HS6ST3: variants seen among roughly 807,000 people sequenced by gnomAD.
HS6ST3 encodes the protein heparan-sulfate 6-O-sulfotransferase 3.
Under a neutral mutation model 36.7 loss-of-function variants are expected in HS6ST3, and 12 were observed. The ratio of observed to expected loss-of-function variants is 0.33; its 90% CI spans 0.21 to 0.53. The LOEUF (loss-of-function observed/expected upper bound fraction) is 0.53. Ranked by LOEUF, HS6ST3 falls within the 20% of genes least tolerant of loss-of-function variation. The pLI is 0.95. For missense variants in HS6ST3, 584 were observed against 640.9 expected, an observed-to-expected ratio of 0.91 and a Z score of 0.96; for synonymous variants, 240 against 257.5, an observed-to-expected ratio of 0.93 and a Z score of 0.65.
intron 1 of HS6ST3, among the ~76,000 whole-genome samples, chr13:96,744,608 T>C (rs1876520276): frequency 6.6e-6 from 1 of 152,096 alleles, no homozygotes; most frequent in African/African-American, 2.4e-5. Flanking sequence ...AGGAGCAGCT[T>C]GTCTTCAGTT....
chr13:96,137,076 G>C (rs2054006158), intron 1 of HS6ST3, among the ~76,000 whole-genome samples: 2 of 152,170 alleles, frequency 1.3e-5, no homozygotes, highest in South Asian at 4.2e-4. Flanking sequence ...CAAATATGTA[G>C]TATGTTTTGG....
chr13:96,701,271 A>T (rs1299967678), intron 1 of HS6ST3, among the ~76,000 whole-genome samples: 1 of 152,238 alleles, frequency 6.6e-6, no homozygotes, highest in African/African-American at 2.4e-5. Context: ...TTCATCTAAG[A>T]TACTACGTGC....
At chr13:96,213,845 G>A (rs1374404628) in intron 1 of HS6ST3, among the ~76,000 whole-genome samples, 3 of 152,184 alleles carry the variant, frequency 2.0e-5, no homozygotes. Flanking sequence ...GAGTATGTGT[G>A]TCCTAGATCT....
chr13:96,795,644 T>G (rs1308554593), intron 1 of HS6ST3, among the ~76,000 whole-genome samples: 2 of 152,146 alleles, frequency 1.3e-5, no homozygotes, highest in African/African-American at 4.8e-5. Context: ...GTTGAAAGAT[T>G]GTTCTCTTAC....
chr13:96,218,826 T>C (rs1291201846), intron 1 of HS6ST3, among the ~76,000 whole-genome samples: 1 of 152,200 alleles, frequency 6.6e-6, no homozygotes, highest in African/African-American at 2.4e-5. Flanking sequence ...CCTGTACTGC[T>C]CTTGGCAAGG....
chr13:96,722,316 C>T (rs1875870671), intron 1 of HS6ST3, among the ~76,000 whole-genome samples: 1 of 152,124 alleles, frequency 6.6e-6, no homozygotes, highest in Non-Finnish European at 1.5e-5. Flanking sequence ...TTTTCACTGG[C>T]AAAGCCAAAA....
chr13:96,117,764 G>A (rs1262886240), intron 1 of HS6ST3, among the ~76,000 whole-genome samples: 1 of 152,108 alleles, frequency 6.6e-6, no homozygotes, highest in Non-Finnish European at 1.5e-5. Flanking sequence ...CTAGAAAATG[G>A]ATTGAGATAA....
In HS6ST3 at chr13:96,658,268, C is replaced by CTTTTTTTTTTTTTT. The variant is rs71213623; in HGVS notation, c.708-174205_708-174192dup. On this transcript the variant is annotated intron_variant, in intron 1 of 1. Coordinates refer to ENST00000376705, the MANE Select transcript of HS6ST3 (RefSeq NM_153456.4). ...TTCTTCTTCTTCTTCTCTTCTTCTT[C>CTTTTTTTTTTTTTT]TTTTTTTTTTTTTTTTTTTTTTTTT... 2.1e-3 allele frequency among the ~76,000 whole-genome samples: 162 copies of CTTTTTTTTTTTTTT among 76,142 alleles called. 12 individuals are homozygous for CTTTTTTTTTTTTTT. Among genetic ancestry groups the CTTTTTTTTTTTTTT allele is most frequent in the East Asian group, 6.2e-3 (12 of 1,940 alleles). 50.0% of individuals were successfully genotyped at this position (76,142 alleles called of 152,430 possible).
chr13:96,321,117 C>CT (rs111895118), intron 1 of HS6ST3, among the ~76,000 whole-genome samples: 50 of 146,988 alleles, frequency 3.4e-4, no homozygotes, highest in South Asian at 4.3e-4. Context: ...GTGAACTCAA[C>CT]TTTTTTTTTT....
chr13:96,094,099 C>G (rs1370528350), intron 1 of HS6ST3, among the ~76,000 whole-genome samples: 1 of 152,140 alleles, frequency 6.6e-6, no homozygotes, highest in Non-Finnish European at 1.5e-5. Context: ...ATTCTGGAGT[C>G]AGATAAATAT....
intron 1 of HS6ST3, among the ~76,000 whole-genome samples, chr13:96,227,984 AGAGGTATGTT>A (rs1456031762): frequency 4.6e-5 from 7 of 152,136 alleles, no homozygotes; most frequent in African/African-American, 1.7e-4. Context: ...TGGGAATAGG[AGAGGTATGTT>A]GAGGGCATAT....
In HS6ST3 at chr13:96,132,121, T is replaced by TACACACAC. The variant is rs60692669; in HGVS notation, c.707+40596_707+40603dup. Reference sequence around the variant, plus strand: ...TTTTTCAGACTGAATAGTATTCCAGTACACACACACACACACACACACACA... The same window carrying TACACACAC: ...TTTTTCAGACTGAATAGTATTCCAGTACACACACACACACACACACACACACACACACA... On this transcript the variant is annotated intron_variant, in intron 1 of 1. Transcript: ENST00000376705. 5.6e-4 allele frequency among the ~76,000 whole-genome samples: 76 copies of TACACACAC among 134,592 alleles called. 1 individual carries two copies. The highest frequency in any genetic ancestry group is 7.2e-3 in the Middle Eastern group (2 of 276). 88.3% of individuals were successfully genotyped at this position (134,592 alleles called of 152,430 possible).
intron 1 of HS6ST3, among the ~76,000 whole-genome samples, chr13:96,524,125 G>A (rs931830576): frequency 6.6e-6 from 1 of 152,154 alleles, no homozygotes; most frequent in South Asian, 2.1e-4. Context: ...TCAGCTGCAG[G>A]TCTGTTGGAG....
chr13:96,436,942 A>G (rs2055645619), intron 1 of HS6ST3, among the ~76,000 whole-genome samples: 1 of 148,498 alleles, frequency 6.7e-6, no homozygotes, highest in African/African-American at 2.5e-5. Flanking sequence ...GGTGGAGGGC[A>G]TTAAAGGCAG....
At chr13:96,706,917 C>T (rs1359038261) in intron 1 of HS6ST3, among the ~76,000 whole-genome samples, 2 of 152,068 alleles carry the variant, frequency 1.3e-5, no homozygotes, top group South Asian at 2.1e-4. Context: ...AGTACTCAAA[C>T]CTGACTTTGC....
At position 96,800,381 on chromosome 13, in the gene HS6ST3, T is replaced by G. The variant is rs148092807; in HGVS notation, c.708-32109T>G. Among the ~76,000 whole-genome samples, 610 of 151,976 alleles carry G rather than the reference T, an allele frequency of 4.0e-3. 4 individuals carry two copies. Among genetic ancestry groups the G allele is most frequent in the Middle Eastern group, 0.014 (4 of 294 alleles). On this transcript the variant is annotated intron_variant, in intron 1 of 1. Coordinates refer to ENST00000376705, the MANE Select transcript of HS6ST3 (RefSeq NM_153456.4). ...GATTTTCCTGTTAAATTCATGACTATCCTGTCCCAAAGCATTTATACTACA... is the reference window on the plus strand; with the variant it reads ...GATTTTCCTGTTAAATTCATGACTAGCCTGTCCCAAAGCATTTATACTACA...
chr13:96,831,290 G>C (rs548830124), intron 1 of HS6ST3, among the ~76,000 whole-genome samples: 1 of 152,080 alleles, frequency 6.6e-6, no homozygotes, highest in Non-Finnish European at 1.5e-5. Context: ...TAAGATCTGT[G>C]ACTGTAATAA....
intron 1 of HS6ST3, among the ~76,000 whole-genome samples, chr13:96,363,530 A>G (rs912959208): frequency 3.9e-5 from 6 of 152,176 alleles, no homozygotes; most frequent in African/African-American, 1.2e-4. Context: ...GTGAAACCCA[A>G]TTGCTAAATC....
intron 1 of HS6ST3, among the ~76,000 whole-genome samples, chr13:96,336,887 G>A (rs1209917981): frequency 6.6e-6 from 1 of 152,060 alleles, no homozygotes; most frequent in Non-Finnish European, 1.5e-5. Context: ...TTACAGGTGA[G>A]CCAAGAAGTA....
Sources: gnomAD v4.1 joint callset for allele counts (sites outside exome capture counted in the v4.1 genomes callset) on GRCh38, gnomAD v4.1.1 for gene constraint, MANE v1.5 for transcripts, NCBI Gene and HGNC (gene_info 2026-07-23, HGNC 2026-07-21) for gene names.